The following CNRIP1 variants were observed in gnomAD, a reference collection of about 807,000 sequenced individuals.
The protein encoded by CNRIP1 is CB1 cannabinoid receptor-interacting protein 1.
CNRIP1 carries 10 observed loss-of-function variants against 15.2 expected under a neutral mutation model. The observed-to-expected ratio is 0.66, with a 90% CI of 0.41 to 1.12. CNRIP1 has a LOEUF of 1.12. CNRIP1 is among the 50% of genes most tolerant of loss of function. The pLI is 0.00. For missense variants in CNRIP1, 211 were observed against 214.7 expected (o/e 0.98, Z 0.11); for synonymous variants, 91 against 83.2 (o/e 1.09, Z -0.51).
chr2:68,317,504 G>C lies in CNRIP1; in HGVS notation c.180-197C>G, dbSNP rs112660923. On this transcript the variant is annotated intron_variant, in intron 1 of 2. Transcript: ENST00000263655. ...AAAAACCTACCTATCCCCAGCCCCA[G>C]ACATTAGGATTCAGTTGGCCTGGGA... is the stretch of plus-strand genomic sequence containing the variant. 1.0e-2 allele frequency among the ~76,000 whole-genome samples: 1,517 copies of C among 152,306 alleles called. 21 individuals carry two copies. Among genetic ancestry groups the C allele is most frequent in the African/African-American group, 0.034 (1,421 of 41,556 alleles).
At chr2:68,316,791 T>C in intron 2 of CNRIP1, 1 of 476,094 alleles carries the variant, frequency 2.1e-6, no homozygotes, top group Non-Finnish European at 3.7e-6. Context: ...GTCATTCAAA[T>C]CAGCTTTCTC....
chr2:68,306,031 G>A (rs2103661758), intron 2 of CNRIP1, among the ~76,000 whole-genome samples: 1 of 148,440 alleles, frequency 6.7e-6, no homozygotes, highest in East Asian at 2.0e-4. Context: ...TAGAGAGGCT[G>A]AGGTAGGAGG....
At chr2:68,315,509 C>T (rs555079636) in intron 2 of CNRIP1, among the ~76,000 whole-genome samples, 17 of 151,880 alleles carry the variant, frequency 1.1e-4, no homozygotes, top group East Asian at 1.9e-4. Flanking sequence ...TTTATAATAC[C>T]GAAAACCAGA....
chr2:68,287,164 C>T (rs562931961), intron 2 of CNRIP1, among the ~76,000 whole-genome samples: 1 of 152,324 alleles, frequency 6.6e-6, no homozygotes, highest in African/African-American at 2.4e-5. Context: ...TTAGAACCAA[C>T]TTCAGACCAT....
intron 2 of CNRIP1, among the ~76,000 whole-genome samples, chr2:68,314,240 CCT>C (rs993722956): frequency 3.3e-5 from 5 of 151,924 alleles, no homozygotes; most frequent in African/African-American, 9.7e-5. Flanking sequence ...CACTCTTCCC[CCT>C]GAGTCCCTGA....
downstream of CNRIP1, among the ~76,000 whole-genome samples, chr2:68,289,816 ATAT>A (rs1443886004): frequency 6.6e-6 from 1 of 152,038 alleles, no homozygotes; most frequent in African/African-American, 2.4e-5. Context: ...CCAAATAATG[ATAT>A]TATGTGCCAG....
intron 1 of CNRIP1, 99 bp downstream of exon 1, chr2:68,319,123 G>C: frequency 7.9e-7 from 1 of 1,266,780 alleles, no homozygotes; most frequent in Non-Finnish European, 1.0e-6. Flanking sequence ...AGCGGCGCGA[G>C]GCCAGAGGCC....
Position 68,319,498 on chromosome 2 carries a change from G to A in CNRIP1, c.-98C>T. Reference sequence around the variant, plus strand: ...CGCGAGGGGCGGAGAGGAAGCGCGGGGAGGGTGAGGGAGGTGGTGGAGCTG... The same window carrying A: ...CGCGAGGGGCGGAGAGGAAGCGCGGAGAGGGTGAGGGAGGTGGTGGAGCTG... On this transcript the variant is annotated 5_prime_UTR_variant, in exon 1 of 3. Coordinates refer to ENST00000263655, the MANE Select transcript of CNRIP1 (RefSeq NM_015463.3). The A allele has an allele frequency of 8.2e-7, 1 of 1,225,006 alleles. No homozygotes were observed. Among genetic ancestry groups the A allele is most frequent in the Non-Finnish European group, 1.1e-6 (1 of 919,362 alleles). 75.9% of individuals were successfully genotyped at this position (1,225,006 alleles called of 1,614,324 possible).
chr2:68,289,679 C>T (rs1335129017), downstream of CNRIP1, among the ~76,000 whole-genome samples: 1 of 152,138 alleles, frequency 6.6e-6, no homozygotes, highest in Non-Finnish European at 1.5e-5. Flanking sequence ...CATGGTTTGG[C>T]CATGTTGCCT....
At chr2:68,290,731 T>C (rs1671148390), downstream of CNRIP1, among the ~76,000 whole-genome samples, 1 of 152,226 alleles carries the variant, frequency 6.6e-6, no homozygotes, top group Admixed American at 6.5e-5. Context: ...GTGAATGGAC[T>C]TGGTGACATC....
Position 68,293,748 on chromosome 2 carries a change from T to G in CNRIP1, c.*114A>C. The G allele has an allele frequency of 6.7e-7, 1 of 1,502,526 alleles. No individual in the cohort carries two copies. Among genetic ancestry groups the G allele is most frequent in the Non-Finnish European group, 8.9e-7 (1 of 1,124,578 alleles). 93.1% of individuals were successfully genotyped at this position (1,502,526 alleles called of 1,614,324 possible). On this transcript the variant is annotated 3_prime_UTR_variant, in exon 3 of 3. Coordinates refer to ENST00000263655, the MANE Select transcript of CNRIP1 (RefSeq NM_015463.3). ...AAAATAACCAGGGCTAGTAGGTCAT[T>G]AGTACCAGATGGGGAACAGCAATGG...
chr2:68,301,314 G>A (rs756011977), intron 2 of CNRIP1, among the ~76,000 whole-genome samples: 3 of 152,196 alleles, frequency 2.0e-5, no homozygotes, highest in Non-Finnish European at 2.9e-5. Context: ...CATAGTTGGA[G>A]AAAGAGCACC....
chr2:68,305,260 AT>A (rs1244801514), intron 2 of CNRIP1, among the ~76,000 whole-genome samples: 12,006 of 62,892 alleles, frequency 0.19, 988 homozygotes, highest in Non-Finnish European at 0.26. Context: ...AAAAAAAAAA[AT>A]ATATATATAT....
intron 1 of CNRIP1, 126 bp downstream of exon 1, chr2:68,319,096 C>T: frequency 3.1e-6 from 3 of 980,736 alleles, no homozygotes; most frequent in Non-Finnish European, 4.3e-6. Flanking sequence ...CTTCCTCCAA[C>T]CCCCGGGCCC....
At chr2:68,296,001 C>A (rs1190708076) in intron 2 of CNRIP1, among the ~76,000 whole-genome samples, 1 of 152,126 alleles carries the variant, frequency 6.6e-6, no homozygotes, top group South Asian at 2.1e-4. Context: ...TTGGAAGGAT[C>A]ATTTGCATGA....
intron 2 of CNRIP1, among the ~76,000 whole-genome samples, chr2:68,296,159 T>C (rs934865277): frequency 1.3e-5 from 2 of 152,250 alleles, no homozygotes; most frequent in African/African-American, 4.8e-5. Flanking sequence ...TGGAATACCA[T>C]GTAATATTTT....
rs552322974 is a variant in CNRIP1 at position 68,286,488 on chromosome 2, A to G, written c.331-2004T>C. The stretch of plus-strand genomic sequence containing the variant: ...ATATGTTTTGTCAAAGAAAGTGACT[A>G]TCTGATAAAGGTAAAGGAAAAATCA... On this transcript the variant is annotated intron_variant, in intron 2 of 2. Coordinates refer to the CNRIP1 transcript ENST00000409559. 4.6e-5 allele frequency among the ~76,000 whole-genome samples: 7 copies of G among 152,374 alleles called. No homozygotes were observed. In the South Asian group the frequency reaches 1.4e-3, roughly 32 times the overall value.
chr2:68,292,948 C>T (rs1289557082), downstream of CNRIP1: 1 of 880,276 alleles, frequency 1.1e-6, no homozygotes, highest in Non-Finnish European at 1.4e-6. Context: ...GTGAAGCTGG[C>T]CTAGAGCAGG....
intron 2 of CNRIP1, among the ~76,000 whole-genome samples, chr2:68,287,997 G>A (rs1293060423): frequency 6.6e-6 from 1 of 152,034 alleles, no homozygotes; most frequent in African/African-American, 2.4e-5. Flanking sequence ...TCCTTTAAAG[G>A]GAGCAGGAGA....
Sources: gnomAD v4.1 joint callset for allele counts (sites outside exome capture counted in the v4.1 genomes callset) on GRCh38, gnomAD v4.1.1 for gene constraint, MANE v1.5 for transcripts, NCBI Gene and HGNC (gene_info 2026-07-23, HGNC 2026-07-21) for gene names.